Variants in ATP8B3 observed in about 807,000 individuals in gnomAD.
ATP8B3 encodes ATPase phospholipid transporting 8B3.
Under a neutral mutation model 140.9 loss-of-function variants are expected in ATP8B3, and 141 were observed. That is an observed-to-expected ratio of 1.00 (90% CI 0.87 to 1.15). ATP8B3 has a LOEUF of 1.15. Ranked by LOEUF, ATP8B3 falls within the 50% of genes most tolerant of loss-of-function variation. The pLI, the probability that ATP8B3 is intolerant of heterozygous loss-of-function variation, is 0.00. For synonymous variants in ATP8B3, 765 were observed against 714.6 expected (o/e 1.07, Z -1.13); for missense variants, 1,874 against 1,740.6 (o/e 1.08, Z -1.36).
At chr19:1,810,339 C>T (rs1467611978) in intron 3 of ATP8B3, among the ~76,000 whole-genome samples, 2 of 152,182 alleles carry the variant, frequency 1.3e-5, no homozygotes, top group Non-Finnish European at 1.5e-5. Context: ...CTCACTGCAA[C>T]CTCCACCTCC....
At chr19:1,788,867 G>A (rs1428395677) in intron 24 of ATP8B3, 30 bp downstream of exon 24, 4 of 1,551,556 alleles carry the variant, frequency 2.6e-6, no homozygotes, top group Non-Finnish European at 3.5e-6. Context: ...AGAGGCCCTG[G>A]TCATGGGGCA....
intron 10 of ATP8B3, among the ~76,000 whole-genome samples, chr19:1,804,766 A>G (rs564397016): frequency 1.3e-5 from 2 of 152,154 alleles, no homozygotes; most frequent in Admixed American, 6.6e-5. Flanking sequence ...AGATCGCACC[A>G]CTGCACTCCA....
In ATP8B3 at chr19:1,796,200, C is replaced by T. The variant is rs1488824555; in HGVS notation, c.1819G>A (p.Gly607Ser). 23 of 1,612,798 alleles carry T rather than the reference C, an allele frequency of 1.4e-5. No individual in the cohort carries two copies. Among genetic ancestry groups the T allele is most frequent in the Non-Finnish European group, 1.9e-5 (22 of 1,179,862 alleles). ...GALVTAARNF[G>S]YVFLSRTQDT... ...TGGGTGCGGGACAGGAACACGTAGC[C>T]GAAGTTCCGGGCTGCGGTGACCAGC... is the stretch of plus-strand genomic sequence containing the variant. The change falls in exon 17 of 29, where the codon GGC becomes AGC. Residue 607 changes from glycine to serine, a missense_variant. Around this residue, in one of 3 missense-constraint regions of ATP8B3, gnomAD observed 1,032 missense variants for 963.6 expected, o/e 1.07. Coordinates refer to ENST00000310127, the MANE Select transcript of ATP8B3 (RefSeq NM_138813.4).
chr19:1,788,886 G>C lies in ATP8B3; in HGVS notation c.3069+11C>G. 2 of 1,575,140 alleles carry C rather than the reference G, an allele frequency of 1.3e-6. No homozygotes were observed. Among genetic ancestry groups the C allele is most frequent in the South Asian group, 1.2e-5 (1 of 86,028 alleles). On this transcript the variant is annotated intron_variant, in intron 24 of 28. Transcript: ENST00000310127. Reference sequence around the variant, plus strand: ...GCCCTGGTCATGGGGCAGCCAGGGTGGGGGACGCACCTGGCCGGTGAAGCC... The same window carrying C: ...GCCCTGGTCATGGGGCAGCCAGGGTCGGGGACGCACCTGGCCGGTGAAGCC...
chr19:1,782,981 T>G lies in ATP8B3; in HGVS notation c.*47A>C. ...TACTTCCTGGGAGGACACCTGCCCC[T>G]GTGGCTGGTGCTTCTTCTTCCCCAG... is the stretch of plus-strand genomic sequence containing the variant. On this transcript the variant is annotated 3_prime_UTR_variant, in exon 29 of 29. Coordinates refer to ENST00000310127, the MANE Select transcript of ATP8B3 (RefSeq NM_138813.4). 3 of 1,561,802 alleles carry G rather than the reference T, an allele frequency of 1.9e-6. No homozygotes were observed. Among genetic ancestry groups the G allele is most frequent in the Non-Finnish European group, 1.7e-6 (2 of 1,153,472 alleles).
chr19:1,797,119 C>A (rs2145190965), intron 14 of ATP8B3, 114 bp from the exon 15 acceptor site: 1 of 1,511,008 alleles, frequency 6.6e-7, no homozygotes, highest in Non-Finnish European at 9.0e-7. Flanking sequence ...GCCACACAAG[C>A]CAGGCCTGTG....
chr19:1,789,819 C>A lies in ATP8B3; in HGVS notation c.2478+71G>T, dbSNP rs563848003. On this transcript the variant is annotated intron_variant, in intron 22 of 28. Coordinates refer to ENST00000310127, the MANE Select transcript of ATP8B3 (RefSeq NM_138813.4). ...CCTCGGCCTCGCCAGCAGTCCCCAC[C>A]CCGAGCCCGCCGCCCCTCCAGGCCC... 255 of 1,587,096 alleles carry A rather than the reference C, an allele frequency of 1.6e-4. 1 individual carries two copies. In the African/African-American group the frequency reaches 2.2e-3, roughly 14 times the overall value.
chr19:1,789,179 C>T, intron 23 of ATP8B3, 59 bp from the exon 24 acceptor site: 1 of 1,164,970 alleles, frequency 8.6e-7, no homozygotes, highest in Admixed American at 2.3e-5. Context: ...CCCGCCCCCC[C>T]AGACCCCCGC....
intron 4 of ATP8B3, among the ~76,000 whole-genome samples, chr19:1,809,188 A>G (rs959339475): frequency 1.3e-5 from 2 of 149,948 alleles, no homozygotes; most frequent in Admixed American, 6.7e-5. Flanking sequence ...CAAAACAGAA[A>G]AAAGAAAAAA....
intron 2 of ATP8B3, among the ~76,000 whole-genome samples, 172 bp downstream of exon 2, chr19:1,811,317 T>G (rs1328559314): frequency 6.6e-6 from 1 of 152,136 alleles, no homozygotes; most frequent in Non-Finnish European, 1.5e-5. Context: ...GGTTCAGGAA[T>G]GTGGGTCTGG....
chr19:1,787,215 C>G, intron 24 of ATP8B3, 29 bp from the exon 25 acceptor site: 1 of 1,575,706 alleles, frequency 6.3e-7, no homozygotes, highest in Non-Finnish European at 8.7e-7. Context: ...GCAAGGAGAA[C>G]AAGTCAGCCT....
At chr19:1,799,413 C>T (rs1165535862) in intron 14 of ATP8B3, 42 of 157,322 alleles carry the variant, frequency 2.7e-4, no homozygotes, top group African/African-American at 1.0e-3. Flanking sequence ...GAGCAGAGAT[C>T]GCACCACTGC....
In ATP8B3 at chr19:1,799,946, C is replaced by G; in HGVS notation, c.1552+1G>C. ...TGGGAGCTCAGGTGTCGGGGCCGCA[C>G]CATAGACGCGGCCGCTGATGCAGCA... On this transcript the variant is annotated splice_donor_variant, in intron 14 of 28. Coordinates refer to ENST00000310127, the MANE Select transcript of ATP8B3 (RefSeq NM_138813.4). LOFTEE classifies it high-confidence loss of function. 2 of 1,591,748 alleles carry G rather than the reference C, an allele frequency of 1.3e-6. No homozygotes were observed. Among genetic ancestry groups the G allele is most frequent in the Middle Eastern group, 1.7e-4 (1 of 6,028 alleles).
intron 20 of ATP8B3, among the ~76,000 whole-genome samples, 169 bp downstream of exon 20, chr19:1,791,581 C>T (rs1436100127): frequency 3.3e-5 from 5 of 151,978 alleles, no homozygotes; most frequent in Admixed American, 2.6e-4. Context: ...TTAGCAGAGA[C>T]GGGGTTTGAC....
chr19:1,808,084 G>C, intron 5 of ATP8B3, 138 bp downstream of exon 5: 1 of 667,546 alleles, frequency 1.5e-6, no homozygotes, highest in Non-Finnish European at 2.7e-6. Context: ...GCCAGGCCCT[G>C]GGCAGGGTAG....
chr19:1,784,740 G>A lies in ATP8B3; in HGVS notation c.3660+79C>T, dbSNP rs1600383546. 8 of 1,472,096 alleles carry A rather than the reference G, an allele frequency of 5.4e-6. No homozygotes were observed. In the East Asian group the frequency reaches 1.7e-4, roughly 32 times the overall value. The allele number at this position is 1,472,096 out of a possible 1,614,324, so 91.2% of individuals were successfully genotyped here. A position where few individuals can be genotyped will look rare whatever the true frequency, so the allele number is the denominator to read the frequency against. The stretch of plus-strand genomic sequence containing the variant: ...CCGAGAGGGGCCGGGACACCTTGCA[G>A]TCCCTACGCCCTGCACGGCTCCCCA... On this transcript the variant is annotated intron_variant, in intron 28 of 28. Coordinates refer to ENST00000310127, the MANE Select transcript of ATP8B3 (RefSeq NM_138813.4).
rs2068596688 is a variant in ATP8B3 at position 1,794,043 on chromosome 19, A to G, written c.2055+1832T>C. On this transcript the variant is annotated intron_variant, in intron 18 of 28. Transcript: ENST00000310127. The surrounding 1 kb of genome is among the most constrained non-coding windows in gnomAD (Gnocchi z 4.8). The stretch of plus-strand genomic sequence containing the variant: ...GAGCCATCGCGCCAGCCTGTTTATT[A>G]AGAGACAGGGGTCTCGCCCTGTCGC... 6.8e-6 allele frequency among the ~76,000 whole-genome samples: 1 copy of G among 146,346 alleles called. No individual in the cohort carries two copies. The highest frequency in any genetic ancestry group is 1.5e-5 in the Non-Finnish European group (1 of 66,618).
Position 1,782,684 on chromosome 19 carries a change from T to C in ATP8B3, c.*344A>G. 3.4e-6 allele frequency: 1 copy of C among 298,066 alleles called. No homozygotes were observed. Among genetic ancestry groups the C allele is most frequent in the Admixed American group, 4.7e-5 (1 of 21,068 alleles). The allele number at this position is 298,066 out of a possible 1,614,324, so 18.5% of individuals were successfully genotyped here. A position where few individuals can be genotyped will look rare whatever the true frequency, so the allele number is the denominator to read the frequency against. ...GCTCCCCAGAGGCTGTGGCTGGCTC[T>C]CAAATGACGACAGCTGGCTTTCTCT... is the stretch of plus-strand genomic sequence containing the variant. On this transcript the variant is annotated 3_prime_UTR_variant, in exon 29 of 29. Coordinates refer to ENST00000310127, the MANE Select transcript of ATP8B3 (RefSeq NM_138813.4).
chr19:1,788,959 T>A lies in ATP8B3; in HGVS notation c.3007A>T (p.Lys1003Ter). ...TGCACCATCATGCTGGCCATGCTCTTGTAGAAGAAGTAGCGCAGGAACTTG... is the reference window on the plus strand; with the variant it reads ...TGCACCATCATGCTGGCCATGCTCTAGTAGAAGAAGTAGCGCAGGAACTTG... ...ICKFLRYFFY[K>*]SMASMMVQVW... The change falls in exon 24 of 29, where the codon AAG (lysine) becomes TAG (stop). Residue 1003 changes from lysine (K) to a stop codon, truncating the protein, a stop_gained. Transcript: ENST00000310127. LOFTEE classifies it high-confidence loss of function. The A allele has an allele frequency of 6.2e-7, 1 of 1,609,498 alleles. No individual in the cohort carries two copies. Among genetic ancestry groups the A allele is most frequent in the South Asian group, 1.1e-5 (1 of 90,208 alleles).
Sources: allele counts gnomAD v4.1 joint callset (sites outside exome capture counted in the v4.1 genomes callset), GRCh38; gene constraint gnomAD v4.1.1; regional missense constraint gnomAD v4.1.1; non-coding constraint Gnocchi (gnomAD v3.1); transcripts MANE v1.5; gene names NCBI Gene and HGNC (gene_info 2026-07-23, HGNC 2026-07-21).